The following OR1J2 variants were observed in gnomAD, a reference collection of about 807,000 sequenced individuals.
OR1J2 encodes the protein olfactory receptor 1J2.
For missense variants in OR1J2, 304 were observed against 246.1 expected, an observed-to-expected ratio of 1.24 and a Z score of -1.57; for synonymous variants, 142 against 99.7, an observed-to-expected ratio of 1.42 and a Z score of -2.52.
the OR1J2 span, chr9:122,568,072 T>C: frequency 1.9e-6 from 3 of 1,613,954 alleles, no homozygotes; most frequent in Middle Eastern, 1.7e-4. Flanking sequence ...TGGCTCATGG[T>C]GGTGACATAG....
chr9:122,579,048 TAG>T, the OR1J2 span, among the ~76,000 whole-genome samples: 3 of 150,396 alleles, frequency 2.0e-5, no homozygotes, highest in Non-Finnish European at 4.4e-5. Flanking sequence ...TAAAAAAAAA[TAG>T]AAAGTCATTA....
the OR1J2 span, chr9:122,567,958 C>T: frequency 1.9e-5 from 30 of 1,613,964 alleles, no homozygotes; most frequent in South Asian, 3.3e-4. Flanking sequence ...TGGTGGATAA[C>T]ATTGGAGTCA....
the OR1J2 span, chr9:122,554,256 G>T: frequency 2.5e-5 from 24 of 972,950 alleles, no homozygotes; most frequent in Admixed American, 3.1e-4. Flanking sequence ...GATATTAGGG[G>T]AAGGTTATCC....
At chr9:122,551,117 A>G in the OR1J2 span, among the ~76,000 whole-genome samples, 3,792 of 152,282 alleles carry the variant, frequency 0.025, 275 homozygotes, top group East Asian at 0.29. Flanking sequence ...ACTAATAACA[A>G]TCAAGCTGAG....
chr9:122,568,044 A>T, the OR1J2 span: 1 of 1,614,090 alleles, frequency 6.2e-7, no homozygotes, highest in Non-Finnish European at 8.5e-7. Context: ...GAAGGCCACC[A>T]GCAGGACACA....
At chr9:122,542,786 C>G in the OR1J2 span, among the ~76,000 whole-genome samples, 6,996 of 152,248 alleles carry the variant, frequency 0.046, 230 homozygotes, top group Middle Eastern at 0.078. Flanking sequence ...GACTTCACTC[C>G]AAGTCCCATG....
the OR1J2 span, among the ~76,000 whole-genome samples, chr9:122,559,012 A>G: frequency 0.27 from 41,403 of 151,894 alleles, 5,815 homozygotes; most frequent in Middle Eastern, 0.34. Context: ...AGGATAATTC[A>G]CATATCCGTC....
chr9:122,500,377 G>A, the OR1J2 span, among the ~76,000 whole-genome samples: 6 of 152,282 alleles, frequency 3.9e-5, no homozygotes, highest in African/African-American at 1.2e-4. Context: ...ACTTTTAGCA[G>A]CTGGATGCAG....
At chr9:122,508,556 A>G (rs1260167473), upstream of OR1J2, among the ~76,000 whole-genome samples, 1 of 152,182 alleles carries the variant, frequency 6.6e-6, no homozygotes, top group Non-Finnish European at 1.5e-5. Flanking sequence ...CTCATTTATG[A>G]TTAGTGACAA....
chr9:122,515,852 A>C (rs1828693588), downstream of OR1J2, among the ~76,000 whole-genome samples: 3 of 151,942 alleles, frequency 2.0e-5, no homozygotes, highest in Admixed American at 2.0e-4. Flanking sequence ...GTATTCTTAA[A>C]CCTTCATCAG....
At chr9:122,559,082 G>A in the OR1J2 span, among the ~76,000 whole-genome samples, 20 of 152,064 alleles carry the variant, frequency 1.3e-4, no homozygotes, top group Admixed American at 3.3e-4. Flanking sequence ...TTCTGGCTAT[G>A]TTGAAATTAC....
the OR1J2 span, among the ~76,000 whole-genome samples, chr9:122,518,131 A>T: frequency 1.3e-5 from 2 of 152,216 alleles, no homozygotes; most frequent in African/African-American, 4.8e-5. Context: ...GATAGACTGG[A>T]TAAAGAAAAT....
At chr9:122,568,603 T>C in the OR1J2 span, 1 of 627,760 alleles carries the variant, frequency 1.6e-6, no homozygotes, top group Non-Finnish European at 2.7e-6. Flanking sequence ...ACTGTGCTAA[T>C]TGTGGGATGG....
At chr9:122,553,281 C>A in the OR1J2 span, 1 of 1,613,764 alleles carries the variant, frequency 6.2e-7, no homozygotes, top group Non-Finnish European at 8.5e-7. Context: ...CTCTGAGTGG[C>A]CAGAGGAGCA....
the OR1J2 span, among the ~76,000 whole-genome samples, chr9:122,466,973 C>T: frequency 6.6e-6 from 1 of 152,060 alleles, no homozygotes; most frequent in Non-Finnish European, 1.5e-5. Flanking sequence ...TGCCCACGAC[C>T]ATGCCCAGCT....
the OR1J2 span, among the ~76,000 whole-genome samples, chr9:122,574,444 G>T: frequency 6.6e-6 from 1 of 151,886 alleles, no homozygotes; most frequent in African/African-American, 2.4e-5. Flanking sequence ...TTTATTTTGG[G>T]GGGTGCTAAT....
chr9:122,534,655 G>A, the OR1J2 span, among the ~76,000 whole-genome samples: 1 of 152,106 alleles, frequency 6.6e-6, no homozygotes, highest in East Asian at 1.9e-4. Flanking sequence ...ACCTAGCTCG[G>A]CCTGGCGAGG....
the OR1J2 span, among the ~76,000 whole-genome samples, chr9:122,544,421 T>C: frequency 9.3e-4 from 129 of 139,096 alleles, no homozygotes; most frequent in Middle Eastern, 3.5e-3. Flanking sequence ...TTTTCTTTTT[T>C]TTTTTTTTTT....
upstream of OR1J2, among the ~76,000 whole-genome samples, chr9:122,509,690 AAGAAATGGGAAATGT>A (rs1828595208): frequency 6.6e-6 from 1 of 152,174 alleles, no homozygotes; most frequent in African/African-American, 2.4e-5. Flanking sequence ...GAGGGCAAGA[AAGAAATGGGAAATGT>A]AGGAGAGATG....
Sources: allele counts gnomAD v4.1 joint callset (sites outside exome capture counted in the v4.1 genomes callset), GRCh38; gene constraint gnomAD v4.1.1; transcripts MANE v1.5; gene names NCBI Gene and HGNC (gene_info 2026-07-23, HGNC 2026-07-21).